SNX11: variants seen among roughly 807,000 people sequenced by gnomAD.
SNX11 encodes the protein sorting nexin-11.
SNX11 carries 19 observed loss-of-function variants against 30.7 expected under a neutral mutation model. The observed-to-expected ratio is 0.62, with a 90% confidence interval of 0.43 to 0.91. The LOEUF (loss-of-function observed/expected upper bound fraction) is 0.91. Among genes scored for constraint, SNX11 ranks in the 40% least tolerant of loss-of-function variants. The pLI is 0.00. For missense variants in SNX11, 302 were observed against 326.7 expected, an observed-to-expected ratio of 0.92 and a Z score of 0.58; for synonymous variants, 112 against 119.0, an observed-to-expected ratio of 0.94 and a Z score of 0.38.
At chr17:48,110,954 C>T (rs1049195543) in intron 1 of SNX11, among the ~76,000 whole-genome samples, 2 of 152,134 alleles carry the variant, frequency 1.3e-5, no homozygotes, top group Non-Finnish European at 2.9e-5. Flanking sequence ...CCTTCATGGT[C>T]CCCTTGTCGG....
chr17:48,112,558 CTTTTCT>C lies in SNX11; in HGVS notation c.43-14_43-9del. 1 of 1,590,540 alleles carries C rather than the reference CTTTTCT, an allele frequency of 6.3e-7. No homozygotes were observed. The highest frequency in any genetic ancestry group is 1.1e-5 in the South Asian group (1 of 90,046). On this transcript the variant is annotated splice_polypyrimidine_tract_variant and intron_variant, in intron 2 of 6. Coordinates refer to ENST00000359238, the MANE Select transcript of SNX11 (RefSeq NM_013323.3). ...TGCTGTGTAGCTGAAGCTGAGGGAG[CTTTTCT>C]TACCTACAGGAGGTGATTACAGTGC... is the stretch of plus-strand genomic sequence containing the variant.
intron 1 of SNX11, among the ~76,000 whole-genome samples, chr17:48,108,935 T>C (rs567995927): frequency 6.6e-6 from 1 of 152,292 alleles, no homozygotes; most frequent in Non-Finnish European, 1.5e-5. Flanking sequence ...TTCCAGTGTT[T>C]ATTTGTTTGT....
chr17:48,111,140 A>G (rs1567776782), intron 1 of SNX11: 9 of 985,322 alleles, frequency 9.1e-6, no homozygotes, highest in Non-Finnish European at 1.1e-5. Flanking sequence ...AATTAGAACA[A>G]TTGGCTCGGG....
Position 48,119,186 on chromosome 17 carries a change from G to C in SNX11, c.539G>C (p.Ser180Thr). 2 of 1,611,072 alleles carry C rather than the reference G, an allele frequency of 1.2e-6. No individual in the cohort carries two copies. The highest frequency in any genetic ancestry group is 1.7e-6 in the Non-Finnish European group (2 of 1,177,638). ...SHLAKGDQPK[S>T]CCFLPRSGRR... ...CTGGCTAAAGGAGACCAGCCTAAGA[G>C]GTAACTGGAGTACTCTTTGAGATAG... is the stretch of plus-strand genomic sequence containing the variant. Residue 180 changes from serine (S) to threonine (T), a missense_variant and splice_region_variant, in exon 6 of 7, where the codon AGT becomes ACT. Transcript: ENST00000359238.
At chr17:48,108,644 A>G (rs1316329695) in intron 1 of SNX11, among the ~76,000 whole-genome samples, 1 of 152,272 alleles carries the variant, frequency 6.6e-6, no homozygotes, top group African/African-American at 2.4e-5. Context: ...GTGCTGGTAC[A>G]GGTGAAGAAA....
chr17:48,111,211 T>C, intron 1 of SNX11: 11 of 715,972 alleles, frequency 1.5e-5, no homozygotes, highest in Non-Finnish European at 1.9e-5. Flanking sequence ...CAGGTGCTCC[T>C]TGGAGTGCTC....
At chr17:48,118,202 C>T (rs2063564290) in intron 4 of SNX11, among the ~76,000 whole-genome samples, 1 of 152,130 alleles carries the variant, frequency 6.6e-6, no homozygotes, top group African/African-American at 2.4e-5. Context: ...TTTGGGATGA[C>T]TAAATGAAAT....
intron 1 of SNX11, among the ~76,000 whole-genome samples, chr17:48,110,013 T>G (rs897550123): frequency 1.3e-5 from 2 of 152,044 alleles, no homozygotes; most frequent in African/African-American, 4.8e-5. Context: ...AGTGGATGAC[T>G]GTGATTTCCT....
chr17:48,107,970 C>A (rs1184503380), intron 1 of SNX11, 132 bp downstream of exon 1: 1 of 152,340 alleles, frequency 6.6e-6, no homozygotes, highest in African/African-American at 2.4e-5. Flanking sequence ...TCTTACCACC[C>A]GGGATTAAGG....
chr17:48,112,731 C>CTTTTT, intron 3 of SNX11, 71 bp downstream of exon 3: 3 of 589,346 alleles, frequency 5.1e-6, no homozygotes, highest in Admixed American at 3.4e-5. Flanking sequence ...GAGGTGTAAC[C>CTTTTT]TTTTTTTTTT....
chr17:48,114,457 C>CTT lies in SNX11; in HGVS notation c.230+1073_230+1074dup, dbSNP rs34029008. ...GCGTGAGGCACCATGCCCAGGCCTT[C>CTT]TTTTTTTTTTTTTTTTTTGAGATGG... On this transcript the variant is annotated intron_variant, in intron 4 of 6. Coordinates refer to ENST00000359238, the MANE Select transcript of SNX11 (RefSeq NM_013323.3). 7.5e-4 allele frequency among the ~76,000 whole-genome samples: 93 copies of CTT among 123,478 alleles called. 1 individual carries two copies. Among genetic ancestry groups the CTT allele is most frequent in the African/African-American group, 1.6e-3 (51 of 32,232 alleles). 81.0% of individuals were successfully genotyped at this position (123,478 alleles called of 152,430 possible).
At chr17:48,115,093 A>C (rs2063532223) in intron 4 of SNX11, among the ~76,000 whole-genome samples, 3 of 130,936 alleles carry the variant, frequency 2.3e-5, no homozygotes. Flanking sequence ...ACGGAGTCTC[A>C]CTCTGTTGCC....
intron 4 of SNX11, 163 bp downstream of exon 4, chr17:48,113,564 G>GAC (rs1567778056): frequency 7.3e-6 from 2 of 275,278 alleles, no homozygotes; most frequent in African/African-American, 3.2e-5. Flanking sequence ...TTTTTTTTTT[G>GAC]ATGTAGGGTC....
Position 48,119,640 on chromosome 17 carries a change from C to T in SNX11, c.539+454C>T, listed in dbSNP as rs966043326. On this transcript the variant is annotated intron_variant, in intron 6 of 6. Coordinates refer to ENST00000359238, the MANE Select transcript of SNX11 (RefSeq NM_013323.3). ...CTAAGTTTTGTATTTTTAGTAGAGACGGGATTTTGCCATGTTGGCCAGGCT... is the reference window on the plus strand; with the variant it reads ...CTAAGTTTTGTATTTTTAGTAGAGATGGGATTTTGCCATGTTGGCCAGGCT... Among the ~76,000 whole-genome samples, 6 of 152,198 alleles carry T rather than the reference C, an allele frequency of 3.9e-5. No homozygotes were observed. In the South Asian group the frequency reaches 6.2e-4, roughly 16 times the overall value.
At position 48,121,495 on chromosome 17, in the gene SNX11, T is replaced by C; in HGVS notation, c.800T>C (p.Val267Ala). 6.2e-7 allele frequency: 1 copy of C among 1,613,368 alleles called. No homozygotes were observed. The highest frequency in any genetic ancestry group is 2.2e-5 in the East Asian group (1 of 44,864). Residue 267 changes from valine (V) to alanine (A), a missense_variant, in exon 7 of 7, where the codon GTT becomes GCT. By Grantham distance (64) the Val-to-Ala change is moderately conservative. Transcript: ENST00000359238. Reference sequence around the variant, plus strand: ...TTGGACCCTGGTCAGTTAGAAACAGTTTTGGAAAAGTGAGCTCTGGGTTCT... The same window carrying C: ...TTGGACCCTGGTCAGTTAGAAACAGCTTTGGAAAAGTGAGCTCTGGGTTCT... ...VPLDPGQLET[V>A]LEK
At chr17:48,113,523 T>C in intron 4 of SNX11, 122 bp downstream of exon 4, 1 of 693,178 alleles carries the variant, frequency 1.4e-6, no homozygotes, top group Non-Finnish European at 2.5e-6. Flanking sequence ...TTGGGAAATA[T>C]GTTGTTTCTT....
At chr17:48,112,715 T>C in intron 3 of SNX11, 55 bp downstream of exon 3, 1 of 1,124,992 alleles carries the variant, frequency 8.9e-7, no homozygotes, top group Non-Finnish European at 1.3e-6. Flanking sequence ...CTGAGGGGCT[T>C]GTACTGAGGT....
At chr17:48,117,725 C>T (rs928273674) in intron 4 of SNX11, among the ~76,000 whole-genome samples, 7 of 152,048 alleles carry the variant, frequency 4.6e-5, no homozygotes, top group African/African-American at 1.4e-4. Context: ...TAGTGTGGCT[C>T]GGCTTGGTGG....
At chr17:48,112,450 T>C in intron 2 of SNX11, 124 bp from the exon 3 acceptor site, 1 of 703,972 alleles carries the variant, frequency 1.4e-6, no homozygotes, top group Non-Finnish European at 2.5e-6. Flanking sequence ...AAAGTTGAAT[T>C]GAATAAATGA....
Sources: gnomAD v4.1 joint callset for allele counts (sites outside exome capture counted in the v4.1 genomes callset) on GRCh38, gnomAD v4.1.1 for gene constraint, MANE v1.5 for transcripts, NCBI Gene and HGNC (gene_info 2026-07-23, HGNC 2026-07-21) for gene names.